THSD7B: variants seen among roughly 807,000 people sequenced by gnomAD.
THSD7B encodes the protein thrombospondin type 1 domain containing 7B.
THSD7B carries 138 observed loss-of-function variants against 213.6 expected under a neutral mutation model. The observed-to-expected ratio is 0.65, with a 90% CI of 0.56 to 0.74. The LOEUF is 0.74. THSD7B is among the 30% of genes least tolerant of loss of function. The pLI, the probability that THSD7B is intolerant of heterozygous loss-of-function variation, is 0.00. For missense variants in THSD7B, 1,931 were observed against 1,991.5 expected (o/e 0.97, Z 0.58); for synonymous variants, 742 against 687.0 (o/e 1.08, Z -1.25).
intron 12 of THSD7B, among the ~76,000 whole-genome samples, chr2:137,403,527 T>C (rs143276368): frequency 6.6e-6 from 1 of 152,224 alleles, no homozygotes; most frequent in Non-Finnish European, 1.5e-5. Context: ...TCCTAAACTA[T>C]GATTTCTTTA....
At chr2:136,858,710 C>T (rs1298728078) in intron 1 of THSD7B, among the ~76,000 whole-genome samples, 1 of 152,096 alleles carries the variant, frequency 6.6e-6, no homozygotes, top group African/African-American at 2.4e-5. Flanking sequence ...GGGAAATTGA[C>T]CTAATATTTC....
At chr2:137,646,159 A>T (rs1480742415) in intron 21 of THSD7B, among the ~76,000 whole-genome samples, 1 of 152,308 alleles carries the variant, frequency 6.6e-6, no homozygotes, top group East Asian at 1.9e-4. Context: ...CCAAACTCAC[A>T]TGTTGAAACA....
chr2:136,883,852 A>G (rs901712521), intron 2 of THSD7B, among the ~76,000 whole-genome samples: 2 of 152,218 alleles, frequency 1.3e-5, no homozygotes, highest in African/African-American at 2.4e-5. Context: ...AAATGAACAT[A>G]TAAGTCACTA....
In THSD7B at chr2:137,069,310, G is replaced by GT. The variant is rs143863114; in HGVS notation, c.950+12085dup. Among the ~76,000 whole-genome samples, 6 of 151,892 alleles carry GT rather than the reference G, an allele frequency of 4.0e-5. No homozygotes were observed. The East Asian group carries it at 7.7e-4, about 20-fold the overall frequency. On this transcript the variant is annotated intron_variant, in intron 3 of 27. Coordinates refer to ENST00000409968, the MANE Select transcript of THSD7B (RefSeq NM_001316349.2). Reference sequence around the variant, plus strand: ...TCTTCTCTCTTCAGTTTTAATTTTTGTTTTTGTTTCACCTTGTTTCCTTTT... The same window carrying GT: ...TCTTCTCTCTTCAGTTTTAATTTTTGTTTTTTGTTTCACCTTGTTTCCTTTT...
At chr2:137,033,935 C>T (rs1452653062) in intron 2 of THSD7B, among the ~76,000 whole-genome samples, 1 of 151,436 alleles carries the variant, frequency 6.6e-6, no homozygotes, top group Non-Finnish European at 1.5e-5. Flanking sequence ...TGCTATCCCT[C>T]CCCCAATCCC....
At chr2:137,576,319 A>T (rs908252301) in intron 17 of THSD7B, among the ~76,000 whole-genome samples, 1 of 152,130 alleles carries the variant, frequency 6.6e-6, no homozygotes, top group Non-Finnish European at 1.5e-5. Context: ...CTCCAGAAAG[A>T]TGACTTAGAT....
chr2:137,221,923 G>A (rs922727594), intron 7 of THSD7B, among the ~76,000 whole-genome samples: 1 of 152,146 alleles, frequency 6.6e-6, no homozygotes, highest in African/African-American at 2.4e-5. Flanking sequence ...GTTGAAGCTG[G>A]TCCAGATTCT....
chr2:137,382,447 T>A (rs1240458928), intron 12 of THSD7B, among the ~76,000 whole-genome samples: 1 of 152,202 alleles, frequency 6.6e-6, no homozygotes, highest in East Asian at 1.9e-4. Flanking sequence ...GGTTGGGGCC[T>A]GTGGCAGCAC....
intron 2 of THSD7B, among the ~76,000 whole-genome samples, chr2:137,034,541 C>A (rs1198376207): frequency 6.6e-6 from 1 of 152,074 alleles, no homozygotes; most frequent in Non-Finnish European, 1.5e-5. Context: ...AGGTTTTAAG[C>A]CCTGCATGCA....
At chr2:137,113,176 C>T (rs1351905944) in intron 4 of THSD7B, among the ~76,000 whole-genome samples, 1 of 152,120 alleles carries the variant, frequency 6.6e-6, no homozygotes, top group Non-Finnish European at 1.5e-5. Context: ...TAATCATCCA[C>T]CCCAACATTC....
chr2:137,378,145 A>T (rs1274932723), intron 12 of THSD7B, among the ~76,000 whole-genome samples: 1 of 152,118 alleles, frequency 6.6e-6, no homozygotes, highest in Non-Finnish European at 1.5e-5. Context: ...ATTAAAAACA[A>T]CAAAAAAAAG....
At chr2:136,857,216 G>C (rs1429978) in intron 1 of THSD7B, among the ~76,000 whole-genome samples, 120,104 of 152,148 alleles carry the variant, frequency 0.79, 47,692 homozygotes, top group Middle Eastern at 0.94. Context: ...GAAGTTATAT[G>C]ATCAAGTTTA....
intron 26 of THSD7B, among the ~76,000 whole-genome samples, chr2:137,663,951 A>G (rs979179445): frequency 1.2e-4 from 19 of 152,142 alleles, no homozygotes; most frequent in Admixed American, 1.2e-3. Flanking sequence ...TCCCAGGTTC[A>G]AGCGATTCTC....
chr2:137,464,803 T>C (rs1010001592), intron 15 of THSD7B, among the ~76,000 whole-genome samples: 3 of 152,078 alleles, frequency 2.0e-5, no homozygotes, highest in African/African-American at 7.2e-5. Flanking sequence ...GTCTATGCTA[T>C]CCATGTTGAA....
chr2:137,055,902 A>C (rs760748111), intron 2 of THSD7B, among the ~76,000 whole-genome samples: 1 of 152,188 alleles, frequency 6.6e-6, no homozygotes, highest in Non-Finnish European at 1.5e-5. Context: ...TGTTAAACAT[A>C]TCTCTCTTCT....
intron 15 of THSD7B, among the ~76,000 whole-genome samples, chr2:137,522,810 A>G (rs1338046123): frequency 6.6e-6 from 1 of 152,226 alleles, no homozygotes. Flanking sequence ...GACACAGTAT[A>G]CACTTATACC....
chr2:137,449,918 C>T (rs1687614653), intron 14 of THSD7B, among the ~76,000 whole-genome samples: 2 of 152,008 alleles, frequency 1.3e-5, no homozygotes, highest in African/African-American at 4.8e-5. Flanking sequence ...CTGTCACATT[C>T]ACAGTTCCTT....
intron 1 of THSD7B, among the ~76,000 whole-genome samples, chr2:136,841,592 T>TTAA (rs1682922316): frequency 6.4e-5 from 1 of 15,546 alleles, no homozygotes; most frequent in Non-Finnish European, 1.7e-4. Context: ...CAAGACTCCA[T>TTAA]CAAAAAAAAA....
chr2:136,921,293 A>G (rs1207563968), intron 2 of THSD7B, among the ~76,000 whole-genome samples: 1 of 150,836 alleles, frequency 6.6e-6, no homozygotes, highest in Non-Finnish European at 1.5e-5. Flanking sequence ...CTGCTTAGTT[A>G]TATCTATATA....
Sources: gnomAD v4.1 joint callset for allele counts (sites outside exome capture counted in the v4.1 genomes callset) on GRCh38, gnomAD v4.1.1 for gene constraint, MANE v1.5 for transcripts, NCBI Gene and HGNC (gene_info 2026-07-23, HGNC 2026-07-21) for gene names.